The following WASF2 variants were observed in gnomAD, a reference collection of about 807,000 sequenced individuals.
WASF2 encodes the protein WASP family member 2.
A neutral mutation model predicts 45.0 loss-of-function variants in WASF2; 14 were observed. The ratio of observed to expected loss-of-function variants is 0.31; its 90% CI spans 0.21 to 0.49. WASF2 has a LOEUF of 0.49. Ranked by LOEUF, WASF2 falls within the 20% of genes least tolerant of loss-of-function variation. WASF2 has a pLI of 0.99. For synonymous variants in WASF2, 200 were observed against 236.3 expected, an observed-to-expected ratio of 0.85 and a Z score of 1.41; for missense variants, 439 against 636.1, an observed-to-expected ratio of 0.69 and a Z score of 3.33.
intron 2 of WASF2, among the ~76,000 whole-genome samples, chr1:27,423,021 A>G (rs1314953120): frequency 6.6e-6 from 1 of 151,182 alleles, no homozygotes; most frequent in African/African-American, 2.4e-5. Flanking sequence ...TCATCTTGTA[A>G]TCCCAGCTAC....
intron 1 of WASF2, among the ~76,000 whole-genome samples, chr1:27,478,379 C>T (rs2017800318): frequency 6.7e-6 from 1 of 149,740 alleles, no homozygotes; most frequent in Non-Finnish European, 1.5e-5. Flanking sequence ...GGTTCGTATA[C>T]ACATTAACAT....
At chr1:27,476,779 T>C (rs1411210869) in intron 1 of WASF2, among the ~76,000 whole-genome samples, 1 of 152,084 alleles carries the variant, frequency 6.6e-6, no homozygotes, top group Admixed American at 6.6e-5. Flanking sequence ...AGAAATTATC[T>C]AGAAAAAACA....
At chr1:27,440,958 C>T (rs12080356) in intron 1 of WASF2, among the ~76,000 whole-genome samples, 2 of 152,108 alleles carry the variant, frequency 1.3e-5, no homozygotes, top group East Asian at 1.9e-4. Context: ...CCTCCCCTTC[C>T]TGGGTTCCAG....
At chr1:27,464,844 T>C (rs558620086) in intron 1 of WASF2, among the ~76,000 whole-genome samples, 31 of 152,336 alleles carry the variant, frequency 2.0e-4, no homozygotes, top group African/African-American at 7.5e-4. Context: ...TTCTCCTGCC[T>C]CAGCTTCCCA....
chr1:27,468,453 C>G (rs1166621324), intron 1 of WASF2, among the ~76,000 whole-genome samples: 1 of 151,348 alleles, frequency 6.6e-6, no homozygotes, highest in Admixed American at 6.6e-5. Context: ...CCAGCCTGAC[C>G]AACATGGTGA....
Position 27,412,592 on chromosome 1 carries a change from A to C in WASF2, c.804T>G (p.Pro268=), listed in dbSNP as rs2016776869. Reference sequence around the variant, plus strand: ...TTTACCTGAATTCTGCTGGTGGAGGAGGCAAGTTGTCCTCGGAGAAGGAAG... The same window carrying C: ...TTTACCTGAATTCTGCTGGTGGAGGCGGCAAGTTGTCCTCGGAGAAGGAAG... ...PSPSFSEDNL[P]PPPAEFSYPV... Residue 268 remains proline (P), a synonymous_variant, in exon 7 of 9, where the codon CCT becomes CCG. Transcript: ENST00000618852. The C allele has an allele frequency of 6.2e-7, 1 of 1,614,062 alleles. No homozygotes were observed. Among genetic ancestry groups the C allele is most frequent in the Non-Finnish European group, 8.5e-7 (1 of 1,180,038 alleles).
At chr1:27,446,277 T>G (rs1366858227) in intron 1 of WASF2, among the ~76,000 whole-genome samples, 2 of 152,192 alleles carry the variant, frequency 1.3e-5, no homozygotes, top group Non-Finnish European at 2.9e-5. Context: ...TTTATGGATC[T>G]TTGTTGTGAT....
chr1:27,417,286 C>T (rs893575163), intron 4 of WASF2, among the ~76,000 whole-genome samples: 31 of 152,196 alleles, frequency 2.0e-4, no homozygotes, highest in African/African-American at 7.2e-4. Flanking sequence ...CCCAACTAGA[C>T]TCAATAACGG....
chr1:27,443,822 C>T (rs759018748), intron 1 of WASF2, among the ~76,000 whole-genome samples: 20 of 150,978 alleles, frequency 1.3e-4, no homozygotes, highest in Admixed American at 5.3e-4. Context: ...TCTTTTGCCC[C>T]GGCTGGAGTG....
intron 2 of WASF2, among the ~76,000 whole-genome samples, chr1:27,422,404 G>A (rs1283406223): frequency 2.6e-5 from 4 of 151,826 alleles, no homozygotes; most frequent in African/African-American, 9.7e-5. Flanking sequence ...CGGATCACGA[G>A]GTCAGGAGAT....
At chr1:27,474,844 C>T (rs769039636) in intron 1 of WASF2, among the ~76,000 whole-genome samples, 25 of 151,560 alleles carry the variant, frequency 1.6e-4, no homozygotes, top group Non-Finnish European at 3.4e-4. Flanking sequence ...CCCAAGTACC[C>T]AAGAGGCTGA....
rs576064552 is a variant in WASF2 at position 27,438,239 on chromosome 1, G to C, written c.-43-9306C>G. 2.0e-5 allele frequency among the ~76,000 whole-genome samples: 3 copies of C among 152,304 alleles called. No homozygotes were observed. In the East Asian group the frequency reaches 5.8e-4, roughly 29 times the overall value. On this transcript the variant is annotated intron_variant, in intron 1 of 8. Coordinates refer to ENST00000618852, the MANE Select transcript of WASF2 (RefSeq NM_006990.5). Reference sequence around the variant, plus strand: ...ATCATACTATGCGATGGAGAAGATGGGGCTAGACTGCAACCTTTCTTTCTT... The same window carrying C: ...ATCATACTATGCGATGGAGAAGATGCGGCTAGACTGCAACCTTTCTTTCTT...
At chr1:27,432,579 C>T (rs887940649) in intron 1 of WASF2, among the ~76,000 whole-genome samples, 9 of 124,838 alleles carry the variant, frequency 7.2e-5, no homozygotes, top group Non-Finnish European at 1.1e-4. Context: ...ACCTGGGAGG[C>T]GGAGCTTGCA....
At chr1:27,488,939 A>G (rs2017984187) in intron 1 of WASF2, among the ~76,000 whole-genome samples, 1 of 152,188 alleles carries the variant, frequency 6.6e-6, no homozygotes, top group African/African-American at 2.4e-5. Flanking sequence ...CTGTAAAAAA[A>G]TAAGAACATA....
chr1:27,453,032 C>T (rs966443005), intron 1 of WASF2, among the ~76,000 whole-genome samples: 4 of 148,306 alleles, frequency 2.7e-5, no homozygotes, highest in African/African-American at 1.0e-4. Flanking sequence ...ATGGTGAAAC[C>T]CCATCACTAC....
chr1:27,408,031 A>G lies in WASF2; in HGVS notation c.*158T>C. On this transcript the variant is annotated 3_prime_UTR_variant, in exon 9 of 9. Transcript: ENST00000618852. The stretch of plus-strand genomic sequence containing the variant: ...GAGGAAATACATGTTGACTTGGAGG[A>G]AGCACTTGGATATATCTTTGGTTGC... The G allele has an allele frequency of 1.2e-6, 1 of 801,790 alleles. No individual in the cohort carries two copies. The highest frequency in any genetic ancestry group is 2.2e-5 in the South Asian group (1 of 45,562). 49.7% of individuals were successfully genotyped at this position (801,790 alleles called of 1,614,324 possible). A position where few individuals can be genotyped will look rare whatever the true frequency, so the allele number is the denominator to read the frequency against.
intron 1 of WASF2, among the ~76,000 whole-genome samples, chr1:27,459,874 C>A (rs6690867): frequency 0.76 from 116,012 of 152,134 alleles, 47,169 homozygotes; most frequent in Non-Finnish European, 0.91. Context: ...ACAATAGATT[C>A]TATTAGAATA....
chr1:27,445,679 G>A (rs867137902), intron 1 of WASF2, among the ~76,000 whole-genome samples: 1 of 152,126 alleles, frequency 6.6e-6, no homozygotes, highest in Admixed American at 6.6e-5. Context: ...CCCAGCCTCA[G>A]ATAACATGTG....
chr1:27,432,124 GA>G (rs1306348201), intron 1 of WASF2, among the ~76,000 whole-genome samples: 1 of 151,998 alleles, frequency 6.6e-6, no homozygotes, highest in Non-Finnish European at 1.5e-5. Context: ...TGACCAAGAA[GA>G]AAAAAATCTT....
Sources: gnomAD v4.1 joint callset for allele counts (sites outside exome capture counted in the v4.1 genomes callset) on GRCh38, gnomAD v4.1.1 for gene constraint, MANE v1.5 for transcripts, NCBI Gene and HGNC (gene_info 2026-07-23, HGNC 2026-07-21) for gene names.